CRTC3: variants seen among roughly 807,000 people sequenced by gnomAD.
CRTC3 encodes CREB regulated transcription coactivator 3.
CRTC3 carries 26 observed loss-of-function variants against 74.5 expected under a neutral mutation model. That is an observed-to-expected ratio of 0.35 (90% CI 0.26 to 0.48). The LOEUF is 0.48. Ranked by LOEUF, CRTC3 falls within the 20% of genes least tolerant of loss-of-function variation. The probability of loss-of-function intolerance (pLI) is 0.99; values close to 1 mark genes in which losing one functional copy is unlikely to be tolerated. For synonymous variants in CRTC3, 377 were observed against 325.8 expected (o/e 1.16, Z -1.69); for missense variants, 760 against 787.3 (o/e 0.97, Z 0.41).
At chr15:90,595,760 G>A (rs1967908953) in intron 3 of CRTC3, 1 of 152,156 alleles carries the variant, frequency 6.6e-6, no homozygotes, top group African/African-American at 2.4e-5. Flanking sequence ...CCAAAATAGA[G>A]AAGGGAATTG....
At chr15:90,618,206 T>A (rs200894306) in intron 8 of CRTC3, 32 of 161,672 alleles carry the variant, frequency 2.0e-4, no homozygotes, top group East Asian at 3.3e-4. Context: ...TTGACTTATT[T>A]AAAAAAAAAA....
At chr15:90,585,540 T>C (rs1364407552) in intron 2 of CRTC3, among the ~76,000 whole-genome samples, 1 of 152,184 alleles carries the variant, frequency 6.6e-6, no homozygotes, top group African/African-American at 2.4e-5. Context: ...GTAGGCTATA[T>C]AGCAAAGGAG....
At chr15:90,580,291 C>T (rs1433189980) in intron 2 of CRTC3, among the ~76,000 whole-genome samples, 2 of 152,144 alleles carry the variant, frequency 1.3e-5, no homozygotes, top group African/African-American at 4.8e-5. Flanking sequence ...AGCATTATGA[C>T]CTTTACTCCT....
chr15:90,615,224 T>C (rs1968462862), intron 7 of CRTC3, among the ~76,000 whole-genome samples: 1 of 152,250 alleles, frequency 6.6e-6, no homozygotes, highest in East Asian at 1.9e-4. Context: ...CATAAGATAC[T>C]GAGTTTCGTA....
chr15:90,634,756 C>T, intron 11 of CRTC3: 4 of 1,031,370 alleles, frequency 3.9e-6, no homozygotes, highest in South Asian at 1.3e-5. Context: ...AAGTTTTTTC[C>T]ACTCTCTGAC....
intron 2 of CRTC3, among the ~76,000 whole-genome samples, chr15:90,573,503 T>C (rs1316987883): frequency 1.3e-5 from 2 of 152,228 alleles, no homozygotes; most frequent in African/African-American, 2.4e-5. Context: ...ATTCTAATGC[T>C]ATTATTACTT....
At chr15:90,626,078 T>C in intron 10 of CRTC3, 85 bp downstream of exon 10, 2 of 947,678 alleles carry the variant, frequency 2.1e-6, no homozygotes, top group Non-Finnish European at 3.5e-6. Context: ...AATCATTGAA[T>C]GAGAATGACT....
At position 90,642,445 on chromosome 15, in the gene CRTC3, G is replaced by A; in HGVS notation, c.*305G>A. 2 of 466,700 alleles carry A rather than the reference G, an allele frequency of 4.3e-6. No individual in the cohort carries two copies. Among genetic ancestry groups the A allele is most frequent in the South Asian group, 4.4e-5 (2 of 45,174 alleles). The allele number at this position is 466,700 out of a possible 1,614,324, so 28.9% of individuals were successfully genotyped here. On this transcript the variant is annotated 3_prime_UTR_variant, in exon 15 of 15. Coordinates refer to ENST00000268184, the MANE Select transcript of CRTC3 (RefSeq NM_022769.5). ...TTTACTGGCCATCCAGTCAGCCGAT[G>A]TGTAAGAGTAGGAAATACTGTGTCA...
intron 9 of CRTC3, among the ~76,000 whole-genome samples, chr15:90,622,773 C>T (rs1299039837): frequency 6.6e-6 from 1 of 151,682 alleles, no homozygotes; most frequent in Non-Finnish European, 1.5e-5. Context: ...ATTGTTTGAA[C>T]CCGGGAGGCA....
chr15:90,546,911 CA>C (rs1387475280), intron 2 of CRTC3, among the ~76,000 whole-genome samples: 1 of 152,114 alleles, frequency 6.6e-6, no homozygotes, highest in Non-Finnish European at 1.5e-5. Flanking sequence ...GCGTGAGCCA[CA>C]ACGCCCGGCC....
Position 90,640,790 on chromosome 15 carries a change from C to G in CRTC3, c.1549-307C>G, listed in dbSNP as rs575594884. Among the ~76,000 whole-genome samples, 8 of 151,842 alleles carry G rather than the reference C, an allele frequency of 5.3e-5. No individual in the cohort carries two copies. The East Asian group carries it at 1.5e-3, about 29-fold the overall frequency. ...GCAGTTTGCAAAGGCCTTGGTGAGG[C>G]TGAGGACAGATGTCTGAGGGGCCAC... On this transcript the variant is annotated intron_variant, in intron 13 of 14. Coordinates refer to ENST00000268184, the MANE Select transcript of CRTC3 (RefSeq NM_022769.5).
At chr15:90,565,812 ACT>A (rs1967110482) in intron 2 of CRTC3, among the ~76,000 whole-genome samples, 1 of 152,182 alleles carries the variant, frequency 6.6e-6, no homozygotes, top group South Asian at 2.1e-4. Flanking sequence ...GTGTCTTCTG[ACT>A]GCTCCATTGA....
chr15:90,642,123 C>T lies in CRTC3; in HGVS notation c.1843C>T (p.Arg615Ter), dbSNP rs753964753. Residue 615 changes from arginine (R) to a stop codon, truncating the protein, a stop_gained, in exon 15 of 15, where the codon CGA becomes TGA. Coordinates refer to ENST00000268184, the MANE Select transcript of CRTC3 (RefSeq NM_022769.5). LOFTEE classifies it high-confidence loss of function. ...LLDPSVEETF[R>*]ADRL ...GGACCCCTCTGTTGAAGAGACGTTT[C>T]GAGCTGACAGACTGTGAACAGAAGG... 24 of 1,613,822 alleles carry T rather than the reference C, an allele frequency of 1.5e-5. No individual in the cohort carries two copies. The East Asian group carries it at 2.9e-4, about 19-fold the overall frequency.
intron 2 of CRTC3, among the ~76,000 whole-genome samples, chr15:90,543,253 A>G (rs1252382320): frequency 1.5e-5 from 2 of 137,580 alleles, no homozygotes; most frequent in Non-Finnish European, 3.1e-5. Flanking sequence ...GTGAGCTCAC[A>G]TGGGGCCACA....
intron 2 of CRTC3, among the ~76,000 whole-genome samples, chr15:90,572,824 C>T (rs1314118345): frequency 6.6e-6 from 1 of 152,182 alleles, no homozygotes. Context: ...GATCTGCCCA[C>T]CTTGGCCTCC....
At chr15:90,635,451 C>T (rs1347991919) in intron 11 of CRTC3, among the ~76,000 whole-genome samples, 1 of 152,104 alleles carries the variant, frequency 6.6e-6, no homozygotes, top group African/African-American at 2.4e-5. Flanking sequence ...TCGAGACCAG[C>T]CTGGCCAACA....
intron 1 of CRTC3, among the ~76,000 whole-genome samples, chr15:90,535,161 CAAAAAA>C (rs34328900): frequency 1.6e-5 from 2 of 128,372 alleles, no homozygotes; most frequent in South Asian, 2.6e-4. Flanking sequence ...AACTCCGTCT[CAAAAAA>C]AAAAAAAAAA....
At position 90,642,463 on chromosome 15, in the gene CRTC3, C is replaced by G. The variant is rs1969484499; in HGVS notation, c.*323C>G. 2.2e-6 allele frequency: 1 copy of G among 445,214 alleles called. No individual in the cohort carries two copies. The highest frequency in any genetic ancestry group is 4.2e-6 in the Non-Finnish European group (1 of 239,870). 27.6% of individuals were successfully genotyped at this position (445,214 alleles called of 1,614,324 possible). On this transcript the variant is annotated 3_prime_UTR_variant, in exon 15 of 15. Transcript: ENST00000268184. ...AGCCGATGTGTAAGAGTAGGAAATA[C>G]TGTGTCACTGGAGGCCTCCGTAGCA...
At chr15:90,624,827 C>T (rs1346211846) in intron 9 of CRTC3, 3 of 152,450 alleles carry the variant, frequency 2.0e-5, no homozygotes, top group Non-Finnish European at 4.4e-5. Flanking sequence ...AGGGAACGTA[C>T]CACCAGTGTA....
Sources: gnomAD v4.1 joint callset for allele counts (sites outside exome capture counted in the v4.1 genomes callset) on GRCh38, gnomAD v4.1.1 for gene constraint, MANE v1.5 for transcripts, NCBI Gene and HGNC (gene_info 2026-07-23, HGNC 2026-07-21) for gene names.